Variants in NR2F1-AS1 observed in about 807,000 individuals in gnomAD.
NR2F1-AS1 encodes NR2F1 antisense RNA 1.
chr5:93,421,428 T>C (rs1749085627), intron 4 of NR2F1-AS1, among the ~76,000 whole-genome samples: 1 of 152,068 alleles, frequency 6.6e-6, no homozygotes. Flanking sequence ...TTATATTCTT[T>C]ATCAGGTTTT....
At position 93,538,362 on chromosome 5, in the gene NR2F1-AS1, C is replaced by T. The variant is rs111233171; in HGVS notation, n.638+15399G>A. 4.4e-3 allele frequency among the ~76,000 whole-genome samples: 675 copies of T among 152,208 alleles called. 5 individuals carry two copies. Among genetic ancestry groups the T allele is most frequent in the African/African-American group, 0.016 (659 of 41,548 alleles). On this transcript the variant is annotated intron_variant and non_coding_transcript_variant, in intron 4 of 5. Coordinates refer to ENST00000660523, the Ensembl canonical transcript of NR2F1-AS1. Reference sequence around the variant, plus strand: ...GGTGGCATGGGCCTGTAGTCCCCCACTGCTCGGGAGGCTCAGATGGGAGGA... The same window carrying T: ...GGTGGCATGGGCCTGTAGTCCCCCATTGCTCGGGAGGCTCAGATGGGAGGA...
At chr5:93,576,865 T>C (rs1752909153) in intron 1 of NR2F1-AS1, among the ~76,000 whole-genome samples, 1 of 152,214 alleles carries the variant, frequency 6.6e-6, no homozygotes, top group Non-Finnish European at 1.5e-5. Flanking sequence ...AAACTTCAAC[T>C]TTCATCCAAA....
chr5:93,517,563 T>A (rs1751422822), intron 4 of NR2F1-AS1, among the ~76,000 whole-genome samples: 1 of 152,042 alleles, frequency 6.6e-6, no homozygotes, highest in African/African-American at 2.4e-5. Flanking sequence ...TTGTATTAGA[T>A]ATTTCAGACT....
At chr5:93,533,190 T>G (rs1156646233) in intron 4 of NR2F1-AS1, among the ~76,000 whole-genome samples, 1 of 152,234 alleles carries the variant, frequency 6.6e-6, no homozygotes, top group African/African-American at 2.4e-5. Context: ...TTTAAAATAA[T>G]TAATTCTCAC....
intron 4 of NR2F1-AS1, among the ~76,000 whole-genome samples, chr5:93,441,206 A>G (rs955941300): frequency 6.6e-6 from 1 of 152,246 alleles, no homozygotes; most frequent in African/African-American, 2.4e-5. Context: ...ATAGGATGAC[A>G]GCTAAACTGG....
intron 4 of NR2F1-AS1, among the ~76,000 whole-genome samples, chr5:93,470,198 A>T (rs1205115183): frequency 2.0e-5 from 3 of 152,018 alleles, no homozygotes; most frequent in African/African-American, 7.2e-5. Context: ...AATAAACATG[A>T]AAGGGTACCT....
chr5:93,516,830 GT>G (rs898966616), intron 4 of NR2F1-AS1, among the ~76,000 whole-genome samples: 14 of 152,038 alleles, frequency 9.2e-5, no homozygotes, highest in African/African-American at 3.4e-4. Flanking sequence ...AATAATCTGA[GT>G]CTTTTATATT....
chr5:93,494,002 C>A (rs1329135790), intron 4 of NR2F1-AS1, among the ~76,000 whole-genome samples: 1 of 152,002 alleles, frequency 6.6e-6, no homozygotes. Flanking sequence ...TGTTGGACTT[C>A]ATAAAAATTA....
intron 4 of NR2F1-AS1, among the ~76,000 whole-genome samples, chr5:93,548,473 G>A (rs1056721796): frequency 6.6e-6 from 1 of 152,270 alleles, no homozygotes; most frequent in Non-Finnish European, 1.5e-5. Context: ...TACAGAGTCA[G>A]ACTGGAGAAT....
At position 93,547,126 on chromosome 5, in the gene NR2F1-AS1, T is replaced by C. The variant is rs960448222; in HGVS notation, n.638+6635A>G. On this transcript the variant is annotated intron_variant and non_coding_transcript_variant, in intron 4 of 5. Transcript: ENST00000660523. ...TGAGCCAATTTCTTAAAATAAATCA[T>C]ATATGTGTGTGCGTGGGTGTGTGTA... Among the ~76,000 whole-genome samples the C allele has an allele frequency of 2.6e-5, 4 of 152,110 alleles. No individual in the cohort carries two copies. The South Asian group carries it at 8.3e-4, about 32-fold the overall frequency.
At chr5:93,534,230 G>A (rs1156769825) in intron 4 of NR2F1-AS1, among the ~76,000 whole-genome samples, 1 of 152,154 alleles carries the variant, frequency 6.6e-6, no homozygotes, top group Non-Finnish European at 1.5e-5. Context: ...TACCCTGTGA[G>A]GTAATACTAT....
chr5:93,449,388 G>A (rs1466129221), intron 4 of NR2F1-AS1, among the ~76,000 whole-genome samples: 1 of 151,954 alleles, frequency 6.6e-6, no homozygotes, highest in Non-Finnish European at 1.5e-5. Flanking sequence ...TAAAGGCCTG[G>A]ATACAGCAAC....
At chr5:93,459,921 C>T (rs1346487292) in intron 4 of NR2F1-AS1, among the ~76,000 whole-genome samples, 2 of 152,142 alleles carry the variant, frequency 1.3e-5, no homozygotes, top group Non-Finnish European at 2.9e-5. Flanking sequence ...CCAGCTGATT[C>T]TACCATATGA....
chr5:93,503,449 T>A (rs559602743), intron 4 of NR2F1-AS1, among the ~76,000 whole-genome samples: 6 of 152,322 alleles, frequency 3.9e-5, no homozygotes, highest in African/African-American at 1.4e-4. Context: ...ACCAAAAATG[T>A]TAAGTAAAAC....
intron 4 of NR2F1-AS1, among the ~76,000 whole-genome samples, chr5:93,511,592 A>T (rs1331410379): frequency 6.6e-6 from 1 of 152,184 alleles, no homozygotes; most frequent in Non-Finnish European, 1.5e-5. Flanking sequence ...CACTGTAGCC[A>T]TCATAATGTA....
At chr5:93,461,106 G>A (rs1001601784) in intron 4 of NR2F1-AS1, among the ~76,000 whole-genome samples, 1 of 152,134 alleles carries the variant, frequency 6.6e-6, no homozygotes, top group Non-Finnish European at 1.5e-5. Context: ...ATGATAGACT[G>A]GATAAACAAA....
chr5:93,508,166 TAAG>T (rs1751224508), intron 4 of NR2F1-AS1, among the ~76,000 whole-genome samples: 1 of 152,188 alleles, frequency 6.6e-6, no homozygotes, highest in East Asian at 1.9e-4. Context: ...AGATACTTTT[TAAG>T]AAGATGAACA....
At chr5:93,550,940 G>C (rs1752212294) in intron 4 of NR2F1-AS1, among the ~76,000 whole-genome samples, 1 of 151,326 alleles carries the variant, frequency 6.6e-6, no homozygotes, top group African/African-American at 2.4e-5. Flanking sequence ...ATTGAATGAA[G>C]AATGGGACAC....
intron 4 of NR2F1-AS1, among the ~76,000 whole-genome samples, chr5:93,442,609 T>TG (rs1355060599): frequency 1.3e-5 from 2 of 152,200 alleles, no homozygotes; most frequent in African/African-American, 4.8e-5. Flanking sequence ...ACTCCACCTC[T>TG]GGGGGTAGGG....
Sources: gnomAD v4.1 joint callset for allele counts (sites outside exome capture counted in the v4.1 genomes callset) on GRCh38, gnomAD v4.1.1 for gene constraint, MANE v1.5 for transcripts, NCBI Gene and HGNC (gene_info 2026-07-23, HGNC 2026-07-21) for gene names.